The following RBBP8 variants were observed in gnomAD, a reference collection of about 807,000 sequenced individuals.
The protein encoded by RBBP8 is RB binding protein 8, endonuclease.
A neutral mutation model predicts 108.3 loss-of-function variants in RBBP8; 88 were observed. The observed-to-expected ratio is 0.81, with a 90% CI of 0.68 to 0.97. The LOEUF (loss-of-function observed/expected upper bound fraction) is 0.97. Ranked by LOEUF, RBBP8 falls within the 50% of genes least tolerant of loss-of-function variation. The probability of loss-of-function intolerance (pLI) is 0.00; values close to 1 mark genes in which losing one functional copy is unlikely to be tolerated. For synonymous variants in RBBP8, 332 were observed against 348.2 expected, an observed-to-expected ratio of 0.95 and a Z score of 0.52; for missense variants, 1,023 against 1,049.0, an observed-to-expected ratio of 0.98 and a Z score of 0.34.
At position 22,989,342 on chromosome 18, in the gene RBBP8, A is replaced by G. The variant is rs1322639230; in HGVS notation, c.807+24A>G. On this transcript the variant is annotated intron_variant, in intron 9 of 18. Coordinates refer to ENST00000327155, the MANE Select transcript of RBBP8 (RefSeq NM_002894.3). The stretch of plus-strand genomic sequence containing the variant: ...CTGTAAGTAATTGTTTAGTTTGGCA[A>G]TAACATGAATTAATTTTATGTCTTT... The G allele has an allele frequency of 2.0e-6, 3 of 1,487,526 alleles. No homozygotes were observed. In the South Asian group the frequency reaches 3.4e-5, roughly 17 times the overall value. 92.1% of individuals were successfully genotyped at this position (1,487,526 alleles called of 1,614,324 possible).
chr18:22,947,359 A>G (rs987923551), intron 3 of RBBP8, among the ~76,000 whole-genome samples: 1 of 151,900 alleles, frequency 6.6e-6, no homozygotes, highest in Non-Finnish European at 1.5e-5. Context: ...CCCTCCCTAT[A>G]GATCCCCCCA....
chr18:23,003,790 T>A (rs2045987524), intron 15 of RBBP8, among the ~76,000 whole-genome samples: 1 of 151,764 alleles, frequency 6.6e-6, no homozygotes. Flanking sequence ...TTTTAGAAAA[T>A]GATATGAAGA....
chr18:22,985,067 T>C, intron 8 of RBBP8, 77 bp downstream of exon 8: 1 of 1,569,396 alleles, frequency 6.4e-7, no homozygotes, highest in Non-Finnish European at 8.7e-7. Flanking sequence ...ACAGTCTAAC[T>C]TAGACAATAT....
At position 22,995,739 on chromosome 18, in the gene RBBP8, TTC is replaced by T. The variant is rs1490248855; in HGVS notation, c.1940-633_1940-632del. ...GTTACAGCATATATCAATATTTTAT[TTC>T]TTTTTATTGGATAATTTTTTATTGC... On this transcript the variant is annotated intron_variant, in intron 12 of 18. Coordinates refer to ENST00000327155, the MANE Select transcript of RBBP8 (RefSeq NM_002894.3). Among the ~76,000 whole-genome samples the T allele has an allele frequency of 9.2e-5, 14 of 152,244 alleles. No homozygotes were observed. The East Asian group carries it at 2.7e-3, about 29-fold the overall frequency.
At chr18:22,990,213 C>T (rs1288858695) in intron 9 of RBBP8, among the ~76,000 whole-genome samples, 2 of 152,166 alleles carry the variant, frequency 1.3e-5, no homozygotes, top group African/African-American at 4.8e-5. Flanking sequence ...TGCTGCTTGA[C>T]GTGTGATCCA....
At position 22,933,356 on chromosome 18, in the gene RBBP8, G is replaced by C. The variant is rs984165338; in HGVS notation, c.-307G>C. The C allele has an allele frequency of 6.6e-6, 1 of 152,614 alleles. No homozygotes were observed. Among genetic ancestry groups the C allele is most frequent in the Non-Finnish European group, 1.5e-5 (1 of 68,130 alleles). 9.5% of individuals were successfully genotyped at this position (152,614 alleles called of 1,614,324 possible). A position where few individuals can be genotyped will look rare whatever the true frequency, so the allele number is the denominator to read the frequency against. Reference sequence around the variant, plus strand: ...TGACGTCGCGCGGGCTCCCGGGCGGGGCGGGTCCGGCCGCCTCCGAGCCCG... The same window carrying C: ...TGACGTCGCGCGGGCTCCCGGGCGGCGCGGGTCCGGCCGCCTCCGAGCCCG... On this transcript the variant is annotated 5_prime_UTR_variant, in exon 1 of 19. Transcript: ENST00000327155.
At chr18:23,005,055 T>A (rs748415849) in intron 15 of RBBP8, among the ~76,000 whole-genome samples, 12 of 151,934 alleles carry the variant, frequency 7.9e-5, no homozygotes, top group Non-Finnish European at 1.8e-4. Context: ...CCCAGCTACT[T>A]GGGAGGCTGA....
In RBBP8 at chr18:23,011,823, T is replaced by C. The variant is rs116929837; in HGVS notation, c.2358-5005T>C. 9.2e-3 allele frequency among the ~76,000 whole-genome samples: 1,397 copies of C among 152,206 alleles called. 10 individuals carry two copies. The highest frequency in any genetic ancestry group is 0.015 in the Non-Finnish European group (1,005 of 67,994). ...ACTCAATCAATGAATGTCGTGTGTGTTCTGGCTGCTCCACCAACCGACCAT... is the reference window on the plus strand; with the variant it reads ...ACTCAATCAATGAATGTCGTGTGTGCTCTGGCTGCTCCACCAACCGACCAT... On this transcript the variant is annotated intron_variant, in intron 16 of 18. Coordinates refer to ENST00000327155, the MANE Select transcript of RBBP8 (RefSeq NM_002894.3).
intron 1 of RBBP8, 149 bp downstream of exon 1, chr18:22,933,713 G>C (rs1179915464): frequency 2.6e-5 from 4 of 152,622 alleles, no homozygotes; most frequent in Non-Finnish European, 5.8e-5. Context: ...CCGGGCCCGG[G>C]CTACACTCGG....
chr18:23,011,846 C>A (rs990893049), intron 16 of RBBP8, among the ~76,000 whole-genome samples: 1 of 152,028 alleles, frequency 6.6e-6, no homozygotes, highest in African/African-American at 2.4e-5. Flanking sequence ...ACCAACCGAC[C>A]ATTTTCCCAT....
intron 14 of RBBP8, among the ~76,000 whole-genome samples, chr18:22,999,927 C>G (rs2045919033): frequency 6.6e-6 from 1 of 152,166 alleles, no homozygotes; most frequent in Admixed American, 6.5e-5. Context: ...CCGAGGATGC[C>G]TAGCACAATG....
upstream of RBBP8, among the ~76,000 whole-genome samples, chr18:22,932,443 CCCTCTTCT>C (rs1221058666): frequency 6.6e-6 from 1 of 152,010 alleles, no homozygotes; most frequent in African/African-American, 2.4e-5. Flanking sequence ...GGTTTAGCAC[CCCTCTTCT>C]GTATACTAAC....
chr18:23,025,504 A>G (rs986934504), intron 18 of RBBP8, among the ~76,000 whole-genome samples: 13 of 152,368 alleles, frequency 8.5e-5, no homozygotes, highest in African/African-American at 2.6e-4. Flanking sequence ...GTCACCAGAT[A>G]GAATCAGTCT....
chr18:22,934,195 C>T (rs1263131060), intron 1 of RBBP8: 1 of 152,262 alleles, frequency 6.6e-6, no homozygotes, highest in East Asian at 1.9e-4. Context: ...GAAAAATGTA[C>T]ATTGTCGTCG....
intron 3 of RBBP8, among the ~76,000 whole-genome samples, chr18:22,922,597 G>C (rs530328505): frequency 3.1e-4 from 47 of 152,118 alleles, no homozygotes; most frequent in African/African-American, 1.1e-3. Context: ...GGAGTAGCTC[G>C]GACTATAGGC....
chr18:23,015,415 C>T (rs2046239213), intron 16 of RBBP8, among the ~76,000 whole-genome samples: 1 of 152,038 alleles, frequency 6.6e-6, no homozygotes, highest in South Asian at 2.1e-4. Flanking sequence ...TTGTTATTTT[C>T]AGCCAGTGAA....
At position 22,953,737 on chromosome 18, in the gene RBBP8, T is replaced by A. The variant is rs868154259; in HGVS notation, c.248+4024T>A. On this transcript the variant is annotated intron_variant, in intron 4 of 18. Transcript: ENST00000327155. Reference sequence around the variant, plus strand: ...CTTTCTTTTATGTAGTCTATATATTTTTTTTTTATTTTTATTTTTCCCTGT... The same window carrying A: ...CTTTCTTTTATGTAGTCTATATATTATTTTTTTATTTTTATTTTTCCCTGT... Among the ~76,000 whole-genome samples, 381 of 152,128 alleles carry A rather than the reference T, an allele frequency of 2.5e-3. 1 individual carries two copies. The highest frequency in any genetic ancestry group is 8.9e-3 in the African/African-American group (368 of 41,532).
At chr18:23,013,202 C>T (rs2046198537) in intron 16 of RBBP8, among the ~76,000 whole-genome samples, 1 of 151,830 alleles carries the variant, frequency 6.6e-6, no homozygotes, top group Admixed American at 6.6e-5. Flanking sequence ...GTAATAATTG[C>T]AGAGTTAGTC....
chr18:22,988,922 C>T (rs1480923897), intron 8 of RBBP8, among the ~76,000 whole-genome samples: 1 of 152,166 alleles, frequency 6.6e-6, no homozygotes, highest in East Asian at 1.9e-4. Flanking sequence ...CACTGTAAAT[C>T]CATTTTAAGA....
Sources: gnomAD v4.1 joint callset for allele counts (sites outside exome capture counted in the v4.1 genomes callset) on GRCh38, gnomAD v4.1.1 for gene constraint, MANE v1.5 for transcripts, NCBI Gene and HGNC (gene_info 2026-07-23, HGNC 2026-07-21) for gene names.